The following SGCZ variants were observed in gnomAD, a reference collection of about 807,000 sequenced individuals.
SGCZ encodes zeta-sarcoglycan.
Under a neutral mutation model 41.3 loss-of-function variants are expected in SGCZ, and 40 were observed. The ratio of observed to expected loss-of-function variants is 0.97; its 90% CI spans 0.75 to 1.26. The LOEUF is 1.26. Among genes scored for constraint, SGCZ ranks in the 50% most tolerant of loss-of-function variants. SGCZ has a pLI of 0.00. For synonymous variants in SGCZ, 206 were observed against 137.5 expected (o/e 1.50, Z -3.49); for missense variants, 552 against 369.8 (o/e 1.49, Z -4.04).
intron 7 of SGCZ, among the ~76,000 whole-genome samples, chr8:14,096,486 G>T (rs1203287960): frequency 6.6e-6 from 1 of 152,206 alleles, no homozygotes. Flanking sequence ...GCTTTTTGTT[G>T]TGCTGCTGGA....
intron 1 of SGCZ, among the ~76,000 whole-genome samples, chr8:15,002,749 A>G (rs1232294340): frequency 6.6e-6 from 1 of 152,184 alleles, no homozygotes; most frequent in African/African-American, 2.4e-5. Flanking sequence ...ATCTGCAAAT[A>G]TTCTTTTGTA....
rs1810198265 is a variant in SGCZ at position 14,730,389 on chromosome 8, GC to G, written c.40-175464del. 2.0e-5 allele frequency among the ~76,000 whole-genome samples: 3 copies of G among 152,206 alleles called. No homozygotes were observed. The South Asian group carries it at 6.2e-4, about 32-fold the overall frequency. ...GAGGAGACGGGATATATAAGGATAA[GC>G]AAAAATCAGTAAAATCGATTAGAAT... is the stretch of plus-strand genomic sequence containing the variant. On this transcript the variant is annotated intron_variant, in intron 1 of 7. Transcript: ENST00000382080.
intron 3 of SGCZ, among the ~76,000 whole-genome samples, chr8:14,282,456 A>AAC (rs1331076804): frequency 6.6e-6 from 1 of 152,164 alleles, no homozygotes; most frequent in Admixed American, 6.5e-5. Context: ...CCTATTCACA[A>AAC]ACACACACAC....
chr8:14,737,132 G>T (rs902167874), intron 1 of SGCZ, among the ~76,000 whole-genome samples: 1 of 77,576 alleles, frequency 1.3e-5, no homozygotes, highest in African/African-American at 5.3e-5. Flanking sequence ...TCTATATACT[G>T]GATATATAAG....
intron 5 of SGCZ, among the ~76,000 whole-genome samples, chr8:14,109,540 CTA>C (rs1380031880): frequency 6.6e-6 from 1 of 152,048 alleles, no homozygotes; most frequent in African/African-American, 2.4e-5. Context: ...ACTAGATAAA[CTA>C]TACAATGTAA....
rs912431237 is a variant in SGCZ, at chr8:14,900,857, C to G, written c.39+336728G>C. Among the ~76,000 whole-genome samples the G allele has an allele frequency of 9.2e-5, 14 of 152,152 alleles. 1 individual carries two copies. Among genetic ancestry groups the G allele is most frequent in the Admixed American group, 9.2e-4 (14 of 15,276 alleles). ...AACAGGCATTTCCCATATTGGCCTA[C>G]TATAGAAATGTTGAAAATTAAAATG... On this transcript the variant is annotated intron_variant, in intron 1 of 7. Coordinates refer to ENST00000382080, the MANE Select transcript of SGCZ (RefSeq NM_139167.4).
At chr8:15,176,260 G>A (rs1585641942) in intron 1 of SGCZ, among the ~76,000 whole-genome samples, 1 of 151,938 alleles carries the variant, frequency 6.6e-6, no homozygotes, top group Non-Finnish European at 1.5e-5. Flanking sequence ...AAGTGTTAAC[G>A]GAATCCTCAG....
At chr8:14,315,074 T>C (rs967435353) in intron 3 of SGCZ, among the ~76,000 whole-genome samples, 2 of 152,188 alleles carry the variant, frequency 1.3e-5, no homozygotes, top group African/African-American at 4.8e-5. Flanking sequence ...CAGAATCTAC[T>C]TTTATGCAGA....
At chr8:14,684,700 GT>G (rs137893437) in intron 1 of SGCZ, among the ~76,000 whole-genome samples, 1 of 148,636 alleles carries the variant, frequency 6.7e-6, no homozygotes, top group Non-Finnish European at 1.5e-5. Context: ...TCCTTTTTTT[GT>G]TTTTTTTTGG....
chr8:15,056,983 G>T (rs1804730937), intron 1 of SGCZ, among the ~76,000 whole-genome samples: 1 of 152,168 alleles, frequency 6.6e-6, no homozygotes, highest in African/African-American at 2.4e-5. Context: ...ACTCACCTCT[G>T]CCAGATTGCG....
At chr8:14,225,910 T>C in intron 4 of SGCZ, among the ~76,000 whole-genome samples, 1 of 152,144 alleles carries the variant, frequency 6.6e-6, no homozygotes, top group East Asian at 1.9e-4. Flanking sequence ...ATACATTTTA[T>C]GATACCTCTG....
intron 3 of SGCZ, among the ~76,000 whole-genome samples, chr8:14,271,282 A>G (rs1800049760): frequency 6.6e-6 from 1 of 152,196 alleles, no homozygotes; most frequent in Non-Finnish European, 1.5e-5. Context: ...GTTCTTTAGA[A>G]ATTTCTTTAC....
At chr8:14,897,280 T>G (rs1388730229) in intron 1 of SGCZ, among the ~76,000 whole-genome samples, 1 of 152,214 alleles carries the variant, frequency 6.6e-6, no homozygotes, top group Non-Finnish European at 1.5e-5. Flanking sequence ...ATTAATAAAA[T>G]TAATATCTGG....
chr8:14,526,908 C>T (rs1046269743), intron 2 of SGCZ, among the ~76,000 whole-genome samples: 1 of 152,104 alleles, frequency 6.6e-6, no homozygotes, highest in Admixed American at 6.6e-5. Flanking sequence ...GCTGCAGGGA[C>T]TTTTGCAAAG....
At chr8:14,539,645 G>C (rs1176547309) in intron 2 of SGCZ, among the ~76,000 whole-genome samples, 1 of 151,868 alleles carries the variant, frequency 6.6e-6, no homozygotes, top group Admixed American at 6.6e-5. Context: ...TTACCCTCCA[G>C]GTATTAAGCC....
chr8:14,764,650 G>C (rs938179525), intron 1 of SGCZ, among the ~76,000 whole-genome samples: 1 of 152,068 alleles, frequency 6.6e-6, no homozygotes, highest in Non-Finnish European at 1.5e-5. Flanking sequence ...AGGGTTGGAG[G>C]GGTCATCGCT....
intron 1 of SGCZ, among the ~76,000 whole-genome samples, chr8:14,790,212 A>T (rs1429557477): frequency 6.6e-6 from 1 of 152,192 alleles, no homozygotes; most frequent in East Asian, 1.9e-4. Flanking sequence ...CCTTAAATAT[A>T]TCATTTACAC....
intron 3 of SGCZ, among the ~76,000 whole-genome samples, chr8:14,252,331 T>C (rs35524191): frequency 0.25 from 37,876 of 151,998 alleles, 6,076 homozygotes; most frequent in Non-Finnish European, 0.36. Context: ...GTCAGATATA[T>C]TGTTTTTATT....
intron 3 of SGCZ, among the ~76,000 whole-genome samples, chr8:14,244,371 C>T (rs566095431): frequency 6.6e-6 from 1 of 152,050 alleles, no homozygotes; most frequent in South Asian, 2.1e-4. Context: ...ATTCATCATC[C>T]CTGTGCCCAA....
Sources: allele counts gnomAD v4.1 joint callset (sites outside exome capture counted in the v4.1 genomes callset), GRCh38; gene constraint gnomAD v4.1.1; transcripts MANE v1.5; gene names NCBI Gene and HGNC (gene_info 2026-07-23, HGNC 2026-07-21).